EML4: variants seen among roughly 807,000 people sequenced by gnomAD.
EML4 encodes echinoderm microtubule-associated protein-like 4.
In EML4, 72 loss-of-function variants were observed where a neutral mutation model predicts 129.0. The ratio of observed to expected loss-of-function variants is 0.56; its 90% CI spans 0.46 to 0.68. The LOEUF (loss-of-function observed/expected upper bound fraction) is 0.68, where lower values mean the gene tolerates loss of function less well. Among genes scored for constraint, EML4 ranks in the 30% least tolerant of loss-of-function variants. The probability of loss-of-function intolerance (pLI) is 0.00; values close to 1 mark genes in which losing one functional copy is unlikely to be tolerated. For synonymous variants in EML4, 532 were observed against 405.0 expected (o/e 1.31, Z -3.77); for missense variants, 1,363 against 1,190.6 (o/e 1.14, Z -2.13).
chr2:42,199,722 T>G (rs755708736), intron 1 of EML4, among the ~76,000 whole-genome samples: 3 of 152,062 alleles, frequency 2.0e-5, no homozygotes, highest in South Asian at 2.1e-4. Context: ...CAAATGGCAG[T>G]AGTGAAAAAG....
chr2:42,233,521 G>A (rs1572595392), intron 1 of EML4, among the ~76,000 whole-genome samples: 4 of 151,002 alleles, frequency 2.6e-5, no homozygotes, highest in Non-Finnish European at 5.9e-5. Context: ...GTTAGCCAGG[G>A]TGGTCTCAAT....
At chr2:42,194,285 C>CT (rs1265484670) in intron 1 of EML4, among the ~76,000 whole-genome samples, 9 of 144,848 alleles carry the variant, frequency 6.2e-5, no homozygotes, top group East Asian at 2.0e-4. Flanking sequence ...TATTTCTTTT[C>CT]TTTTTTTTGT....
At position 42,291,794 on chromosome 2, in the gene EML4, G is replaced by A. The variant is rs556179156; in HGVS notation, c.1219-3331G>A. On this transcript the variant is annotated intron_variant, in intron 11 of 22. Coordinates refer to ENST00000318522, the MANE Select transcript of EML4 (RefSeq NM_019063.5). ...TATTCTGAATATATAAGCATCTATAGTTCAGTAAGAAAAAGACAGTTTTTT... is the reference window on the plus strand; with the variant it reads ...TATTCTGAATATATAAGCATCTATAATTCAGTAAGAAAAAGACAGTTTTTT... 2.0e-5 allele frequency among the ~76,000 whole-genome samples: 3 copies of A among 152,270 alleles called. No homozygotes were observed. In the South Asian group the frequency reaches 6.2e-4, roughly 32 times the overall value.
intron 1 of EML4, among the ~76,000 whole-genome samples, chr2:42,217,201 A>G (rs1459586098): frequency 6.6e-6 from 1 of 152,176 alleles, no homozygotes; most frequent in Non-Finnish European, 1.5e-5. Flanking sequence ...TTTACTATGA[A>G]TTTTATTTGT....
intron 6 of EML4, among the ~76,000 whole-genome samples, chr2:42,268,244 AACAAT>A (rs1054205701): frequency 1.3e-5 from 2 of 152,162 alleles, no homozygotes; most frequent in African/African-American, 4.8e-5. Context: ...TAATTCCCTA[AACAAT>A]ACAATATAAC....
chr2:42,224,633 T>C (rs1342640858), intron 1 of EML4, among the ~76,000 whole-genome samples: 2 of 152,120 alleles, frequency 1.3e-5, no homozygotes, highest in African/African-American at 4.8e-5. Flanking sequence ...CCAGATTGTT[T>C]TCCAAAGTGG....
At chr2:42,303,281 G>T (rs764035930) in intron 15 of EML4, 34 bp from the exon 16 acceptor site, 1 of 1,613,922 alleles carries the variant, frequency 6.2e-7, no homozygotes, top group Non-Finnish European at 8.5e-7. Context: ...GATATTCTTT[G>T]GTTCTTATAA....
chr2:42,288,988 C>G (rs1667468322), intron 11 of EML4: 1 of 152,160 alleles, frequency 6.6e-6, no homozygotes, highest in South Asian at 2.1e-4. Context: ...ATTTGCCATA[C>G]TCTTAAATAA....
intron 17 of EML4, among the ~76,000 whole-genome samples, chr2:42,305,483 T>C (rs565519397): frequency 1.3e-5 from 2 of 152,200 alleles, no homozygotes; most frequent in African/African-American, 2.4e-5. Context: ...TGTAACACCA[T>C]TGAGCATTTA....
At chr2:42,303,941 A>C (rs1668451087) in intron 16 of EML4, among the ~76,000 whole-genome samples, 1 of 152,208 alleles carries the variant, frequency 6.6e-6, no homozygotes, top group South Asian at 2.1e-4. Context: ...TAAAAAATAG[A>C]AGAAGTAAGT....
chr2:42,244,094 G>GTTTTTTTTTTTTT (rs898798718), intron 1 of EML4, among the ~76,000 whole-genome samples: 1 of 44,946 alleles, frequency 2.2e-5, no homozygotes, highest in Non-Finnish European at 5.1e-5. Flanking sequence ...TTTTGTTTTT[G>GTTTTTTTTTTTTT]TTTTTTGTTT....
intron 2 of EML4, among the ~76,000 whole-genome samples, chr2:42,247,226 C>A (rs1274417688): frequency 6.6e-6 from 1 of 152,060 alleles, no homozygotes; most frequent in African/African-American, 2.4e-5. Context: ...TCTTTGAGAA[C>A]CACAACTTCT....
chr2:42,314,758 C>T (rs1439798044), intron 17 of EML4, among the ~76,000 whole-genome samples: 1 of 152,236 alleles, frequency 6.6e-6, no homozygotes, highest in Non-Finnish European at 1.5e-5. Flanking sequence ...CTGCCATCCT[C>T]TCTCTTATGC....
chr2:42,265,685 G>C lies in EML4; in HGVS notation c.667+954G>C, dbSNP rs187328899. ...AAGTTTTACCTAGAAATAAACGATTGATAAATTTTAACTCAGTTTCCTGTC... is the reference window on the plus strand; with the variant it reads ...AAGTTTTACCTAGAAATAAACGATTCATAAATTTTAACTCAGTTTCCTGTC... On this transcript the variant is annotated intron_variant, in intron 6 of 22. Coordinates refer to ENST00000318522, the MANE Select transcript of EML4 (RefSeq NM_019063.5). Among the ~76,000 whole-genome samples, 21 of 121,136 alleles carry C rather than the reference G, an allele frequency of 1.7e-4. No homozygotes were observed. The South Asian group carries it at 4.8e-3, about 28-fold the overall frequency. 79.5% of individuals were successfully genotyped at this position (121,136 alleles called of 152,430 possible).
At chr2:42,239,919 G>A (rs930059049) in intron 1 of EML4, among the ~76,000 whole-genome samples, 2 of 151,494 alleles carry the variant, frequency 1.3e-5, no homozygotes, top group Non-Finnish European at 2.9e-5. Flanking sequence ...GATTGGGAGG[G>A]AAAAAAAATA....
chr2:42,237,162 T>G (rs1463667149), intron 1 of EML4, among the ~76,000 whole-genome samples: 1 of 152,148 alleles, frequency 6.6e-6, no homozygotes, highest in African/African-American at 2.4e-5. Flanking sequence ...CTCGAACTCC[T>G]GAACTCAAGC....
At chr2:42,258,760 G>T (rs1002618896) in intron 3 of EML4, among the ~76,000 whole-genome samples, 4 of 152,122 alleles carry the variant, frequency 2.6e-5, no homozygotes, top group African/African-American at 7.2e-5. Context: ...ATAGTCAAGG[G>T]CCAGTCTGAA....
In EML4 at chr2:42,169,420, G is replaced by T; in HGVS notation, c.-192G>T. The T allele has an allele frequency of 2.0e-6, 1 of 499,444 alleles. No individual in the cohort carries two copies. The highest frequency in any genetic ancestry group is 3.5e-6 in the Non-Finnish European group (1 of 288,904). 30.9% of individuals were successfully genotyped at this position (499,444 alleles called of 1,614,324 possible). ...GGCTGAGCGGCGCGGCTCTCAACGT[G>T]ACGGGGAAGTGGTTCGGGCGGCCGC... On this transcript the variant is annotated 5_prime_UTR_variant, in exon 1 of 23. Coordinates refer to ENST00000318522, the MANE Select transcript of EML4 (RefSeq NM_019063.5).
At chr2:42,195,530 C>T (rs1357432129) in intron 1 of EML4, among the ~76,000 whole-genome samples, 1 of 152,064 alleles carries the variant, frequency 6.6e-6, no homozygotes, top group Non-Finnish European at 1.5e-5. Flanking sequence ...TATAAAAATA[C>T]AAGACATAGA....
Sources: gnomAD v4.1 joint callset for allele counts (sites outside exome capture counted in the v4.1 genomes callset) on GRCh38, gnomAD v4.1.1 for gene constraint, MANE v1.5 for transcripts, NCBI Gene and HGNC (gene_info 2026-07-23, HGNC 2026-07-21) for gene names.